CHST15: variants seen among roughly 807,000 people sequenced by gnomAD.
CHST15 encodes the protein B cell RAG associated protein (GALNAC4S-6ST).
In CHST15, 30 loss-of-function variants were observed where a neutral mutation model predicts 53.6. The ratio of observed to expected loss-of-function variants is 0.56; its 90% CI spans 0.42 to 0.76. The LOEUF is 0.76. CHST15 is among the 30% of genes least tolerant of loss of function. The pLI is 0.00. For synonymous variants in CHST15, 296 were observed against 289.8 expected, an observed-to-expected ratio of 1.02 and a Z score of -0.22; for missense variants, 627 against 740.5, an observed-to-expected ratio of 0.85 and a Z score of 1.78.
intron 1 of CHST15, among the ~76,000 whole-genome samples, chr10:124,090,405 TTC>T (rs1168913618): frequency 1.3e-5 from 2 of 152,168 alleles, no homozygotes; most frequent in Non-Finnish European, 2.9e-5. Flanking sequence ...GCAGGGGACC[TTC>T]CAGCCGAACT....
At chr10:124,057,368 GAC>G (rs1948418755) in intron 1 of CHST15, among the ~76,000 whole-genome samples, 1 of 152,218 alleles carries the variant, frequency 6.6e-6, no homozygotes, top group Admixed American at 6.5e-5. Context: ...ATCCAAAAGA[GAC>G]ACAGGGTTTT....
intron 5 of CHST15, among the ~76,000 whole-genome samples, chr10:124,033,731 A>G (rs563722123): frequency 5.9e-5 from 9 of 152,294 alleles, no homozygotes; most frequent in African/African-American, 2.2e-4. Context: ...CCCTCATTCC[A>G]ACAGCTCTTG....
intron 1 of CHST15, among the ~76,000 whole-genome samples, chr10:124,072,483 TG>T (rs1163310041): frequency 6.6e-6 from 1 of 152,134 alleles, no homozygotes; most frequent in Non-Finnish European, 1.5e-5. Flanking sequence ...AACACTGGGT[TG>T]GAAGTCCAGG....
At chr10:124,078,675 G>A (rs1038459809) in intron 1 of CHST15, among the ~76,000 whole-genome samples, 2 of 152,206 alleles carry the variant, frequency 1.3e-5, no homozygotes, top group Non-Finnish European at 2.9e-5. Flanking sequence ...TTAACTGATT[G>A]TCAATTGGAA....
At chr10:124,042,196 C>T (rs1346901473) in intron 4 of CHST15, 105 bp downstream of exon 4, 16 of 1,198,522 alleles carry the variant, frequency 1.3e-5, no homozygotes, top group Admixed American at 4.5e-5. Flanking sequence ...TTTGCTGCCA[C>T]CATGTAAATG....
Position 124,009,399 on chromosome 10 carries a change from T to A in CHST15, c.*750A>T. On this transcript the variant is annotated 3_prime_UTR_variant, in exon 8 of 8. Coordinates refer to ENST00000435907, the MANE Select transcript of CHST15 (RefSeq NM_001270764.2). Reference sequence around the variant, plus strand: ...ACGCATTCATTTTCTATGTTAAACATAAGTCCACAAGGACAGAATAGGAGG... The same window carrying A: ...ACGCATTCATTTTCTATGTTAAACAAAAGTCCACAAGGACAGAATAGGAGG... 2 of 1,008,744 alleles carry A rather than the reference T, an allele frequency of 2.0e-6. No homozygotes were observed. Among genetic ancestry groups the A allele is most frequent in the Non-Finnish European group, 2.4e-6 (2 of 842,968 alleles). The allele number at this position is 1,008,744 out of a possible 1,614,324, so 62.5% of individuals were successfully genotyped here. A position where few individuals can be genotyped will look rare whatever the true frequency, so the allele number is the denominator to read the frequency against.
intron 1 of CHST15, among the ~76,000 whole-genome samples, chr10:124,063,951 T>TAATA (rs1948673840): frequency 1.3e-5 from 2 of 152,204 alleles, no homozygotes; most frequent in Non-Finnish European, 2.9e-5. Flanking sequence ...CAGTGCTATG[T>TAATA]AAACATGATA....
At chr10:124,084,443 C>T (rs1401642146) in intron 1 of CHST15, among the ~76,000 whole-genome samples, 3 of 151,994 alleles carry the variant, frequency 2.0e-5, no homozygotes, top group Non-Finnish European at 4.4e-5. Flanking sequence ...GCCCAGAGAG[C>T]CTTAGGAACA....
chr10:124,015,002 C>A (rs574647231), intron 6 of CHST15, among the ~76,000 whole-genome samples: 4 of 152,036 alleles, frequency 2.6e-5, no homozygotes, highest in Non-Finnish European at 5.9e-5. Context: ...TCCTGGCGCT[C>A]GGCTGCTTCT....
rs536155727 is a variant in CHST15, at chr10:124,050,030, C to T, written c.-512-3306G>A. On this transcript the variant is annotated intron_variant, in intron 1 of 7. Transcript: ENST00000435907. Reference sequence around the variant, plus strand: ...GGTGTTGGAAAATACCCCTGGGCTGCGGTGGGCGTGGGGGTGGGGGCCTCT... The same window carrying T: ...GGTGTTGGAAAATACCCCTGGGCTGTGGTGGGCGTGGGGGTGGGGGCCTCT... Among the ~76,000 whole-genome samples, 31 of 151,908 alleles carry T rather than the reference C, an allele frequency of 2.0e-4. No homozygotes were observed. In the South Asian group the frequency reaches 5.0e-3, roughly 25 times the overall value.
intron 1 of CHST15, among the ~76,000 whole-genome samples, chr10:124,093,236 T>C (rs1352627092): frequency 1.3e-5 from 2 of 151,286 alleles, no homozygotes; most frequent in Non-Finnish European, 2.9e-5. Context: ...AAGTTCATTG[T>C]CTGCCTGGGC....
intron 5 of CHST15, among the ~76,000 whole-genome samples, chr10:124,028,697 A>G (rs1012703275): frequency 4.6e-5 from 7 of 152,250 alleles, no homozygotes; most frequent in Non-Finnish European, 1.0e-4. Context: ...TCTCAGCTTC[A>G]GCTCAGACAA....
chr10:124,028,338 C>T (rs111858326), intron 5 of CHST15, among the ~76,000 whole-genome samples: 111 of 152,306 alleles, frequency 7.3e-4, no homozygotes, highest in African/African-American at 2.6e-3. Context: ...GGTTGTTCAT[C>T]GGCCTGGCCT....
At chr10:124,020,086 G>C in intron 6 of CHST15, 1 of 985,744 alleles carries the variant, frequency 1.0e-6, no homozygotes, top group Non-Finnish European at 1.2e-6. Context: ...TGCACAGGAA[G>C]GCAAGGACCA....
chr10:124,091,055 C>T (rs1049692368), intron 1 of CHST15, among the ~76,000 whole-genome samples: 4 of 152,220 alleles, frequency 2.6e-5, no homozygotes, highest in Non-Finnish European at 5.9e-5. Flanking sequence ...AAGGCCATAA[C>T]AAGCCACTTT....
chr10:124,041,011 A>C (rs940511409), intron 4 of CHST15, among the ~76,000 whole-genome samples: 1 of 152,234 alleles, frequency 6.6e-6, no homozygotes, highest in African/African-American at 2.4e-5. Context: ...AGGAGTCACA[A>C]TGAAATGTAA....
rs1434459372 is a variant in CHST15 at position 124,036,164 on chromosome 10, T to C, written c.1190+2351A>G. 2.0e-5 allele frequency among the ~76,000 whole-genome samples: 3 copies of C among 152,132 alleles called. No homozygotes were observed. The highest frequency in any genetic ancestry group is 4.8e-5 in the African/African-American group (2 of 41,418). On this transcript the variant is annotated intron_variant, in intron 5 of 7. Transcript: ENST00000435907. The surrounding 1 kb of genome is among the most constrained non-coding windows in gnomAD (Gnocchi z 5.1). ...GTCGGGGAGGGAGGCAGAGCAGCTA[T>C]GCAAACACCTCCGGGGGCGGCGAGG... is the stretch of plus-strand genomic sequence containing the variant.
chr10:124,043,425 G>A (rs186473759), intron 3 of CHST15, among the ~76,000 whole-genome samples: 6 of 152,336 alleles, frequency 3.9e-5, no homozygotes, highest in Admixed American at 3.3e-4. Flanking sequence ...ACTGTAGGAC[G>A]AACATCAAAA....
At position 124,008,328 on chromosome 10, in the gene CHST15, C is replaced by CA; in HGVS notation, c.*1820dup. 1 of 1,095,324 alleles carries CA rather than the reference C, an allele frequency of 9.1e-7. No homozygotes were observed. Among genetic ancestry groups the CA allele is most frequent in the African/African-American group, 1.6e-5 (1 of 61,390 alleles). 67.9% of individuals were successfully genotyped at this position (1,095,324 alleles called of 1,614,324 possible). On this transcript the variant is annotated 3_prime_UTR_variant, in exon 8 of 8. Transcript: ENST00000435907. ...ACAGAACCCACTCAGAAGACGCACT[C>CA]ACCCACACGTGCGCGTACACACACA...
Sources: gnomAD v4.1 joint callset for allele counts (sites outside exome capture counted in the v4.1 genomes callset) on GRCh38, gnomAD v4.1.1 for gene constraint, Gnocchi (gnomAD v3.1) non-coding constraint, MANE v1.5 for transcripts, NCBI Gene and HGNC (gene_info 2026-07-23, HGNC 2026-07-21) for gene names.